SPTBN5: variants seen among roughly 807,000 people sequenced by gnomAD.
The protein encoded by SPTBN5 is spectrin beta, non-erythrocytic 5, also known as spectrin beta chain, non-erythrocytic 5.
In SPTBN5, 513 loss-of-function variants were observed where a neutral mutation model predicts 477.6. The ratio of observed to expected loss-of-function variants is 1.07; its 90% CI spans 1.00 to 1.16. The LOEUF is 1.16. Ranked by LOEUF, SPTBN5 falls within the 50% of genes most tolerant of loss-of-function variation. The pLI is 0.00. For missense variants in SPTBN5, 5,062 were observed against 4,731.8 expected (o/e 1.07, Z -2.05); for synonymous variants, 2,169 against 2,011.7 (o/e 1.08, Z -2.09).
intron 29 of SPTBN5, 73 bp downstream of exon 29, chr15:41,871,302 T>C: frequency 7.5e-7 from 1 of 1,340,058 alleles, no homozygotes; most frequent in African/African-American, 1.5e-5. Context: ...CCATCCTCTC[T>C]TACCACTCTG....
chr15:41,866,329 G>A lies in SPTBN5; in HGVS notation c.6630+15C>T. 1 of 1,579,982 alleles carries A rather than the reference G, an allele frequency of 6.3e-7. No individual in the cohort carries two copies. The highest frequency in any genetic ancestry group is 8.6e-7 in the Non-Finnish European group (1 of 1,161,770). ...CACTTTGGGGCAGGCATGGGGCTGA[G>A]GGCCCGGTTGTTACCTTGGCAACAG... On this transcript the variant is annotated intron_variant, in intron 37 of 67. Coordinates refer to ENST00000320955, the MANE Select transcript of SPTBN5 (RefSeq NM_016642.4).
rs775028604 is a variant in SPTBN5 at position 41,886,112 on chromosome 15, G to A, written c.1143C>T (p.Asn381=). Residue 381 remains asparagine, a synonymous_variant, in exon 7 of 68, where the codon AAC becomes AAT. Coordinates refer to ENST00000320955, the MANE Select transcript of SPTBN5 (RefSeq NM_016642.4). ...CCTCATGAGGCAGGAAGGGCCTGCG[G>A]TTCTGGGCTTGGAGTGCTGTCTGTA... ...FRLQTALQAQ[N]RRPFLPHEGL... is the part of the protein sequence containing the mutation. 6.2e-7 allele frequency: 1 copy of A among 1,610,282 alleles called. No individual in the cohort carries two copies. The highest frequency in any genetic ancestry group is 8.5e-7 in the Non-Finnish European group (1 of 1,178,114).
rs2066412940 is a variant in SPTBN5, at chr15:41,868,413, C to T, written c.6042G>A (p.Gly2014=). The T allele has an allele frequency of 1.2e-6, 2 of 1,603,686 alleles. No homozygotes were observed. Among genetic ancestry groups the T allele is most frequent in the Non-Finnish European group, 1.7e-6 (2 of 1,174,142 alleles). ...GGGGGCCCACCTCCTTGGTGGGTGTCCCTGCAGCAAGAAGTGCCTGCTGCC... is the reference window on the plus strand; with the variant it reads ...GGGGGCCCACCTCCTTGGTGGGTGTTCCTGCAGCAAGAAGTGCCTGCTGCC... ...QLGQQALLAA[G]TPTKEVQEEL... The change falls in exon 33 of 68, where the codon GGG becomes GGA. Residue 2014 remains glycine, a synonymous_variant. Transcript: ENST00000320955.
At chr15:41,848,702 G>GCCCCTGCCCT (rs2065639721) in intron 67 of SPTBN5, 74 bp from the exon 68 acceptor site, 2 of 1,553,778 alleles carry the variant, frequency 1.3e-6, no homozygotes, top group African/African-American at 2.7e-5. Context: ...ACACACTGGT[G>GCCCCTGCCCT]CCCCTGCCCT....
chr15:41,872,005 CTG>C, intron 27 of SPTBN5, 88 bp from the exon 28 acceptor site: 1 of 1,420,474 alleles, frequency 7.0e-7, no homozygotes, highest in Non-Finnish European at 9.3e-7. Flanking sequence ...AATCTGAAAA[CTG>C]GGGTTACTCA....
chr15:41,890,278 G>A, intron 3 of SPTBN5, 73 bp from the exon 4 acceptor site: 1 of 1,055,610 alleles, frequency 9.5e-7, no homozygotes, highest in Non-Finnish European at 1.4e-6. Context: ...AAAGCTTAGG[G>A]GGCCAGCTGC....
At chr15:41,888,662 T>A (rs990853179) in intron 4 of SPTBN5, among the ~76,000 whole-genome samples, 1 of 152,254 alleles carries the variant, frequency 6.6e-6, no homozygotes, top group African/African-American at 2.4e-5. Context: ...GGTTTCACTA[T>A]GTTGGCTAGG....
chr15:41,856,420 T>A lies in SPTBN5; in HGVS notation c.8987A>T (p.Gln2996Leu). The A allele has an allele frequency of 6.3e-7, 1 of 1,590,974 alleles. No homozygotes were observed. Among genetic ancestry groups the A allele is most frequent in the South Asian group, 1.1e-5 (1 of 88,802 alleles). ...AAACTGCTGGGCCTCCTGAGCCTGCTGCAGCAGAAGCCGCCTCCGCGCCGC... is the reference window on the plus strand; with the variant it reads ...AAACTGCTGGGCCTCCTGAGCCTGCAGCAGCAGAAGCCGCCTCCGCGCCGC... Reference protein sequence around the residue: ...AEAARRRLLLQQAQEAQQFLT... With the variant: ...AEAARRRLLLLQAQEAQQFLT... Residue 2996 changes from glutamine to leucine, a missense_variant, in exon 53 of 68, where the codon CAG becomes CTG. Transcript: ENST00000320955.
chr15:41,865,904 C>T lies in SPTBN5; in HGVS notation c.6823-1G>A, dbSNP rs868047548. The T allele has an allele frequency of 6.4e-7, 1 of 1,571,260 alleles. No homozygotes were observed. The highest frequency in any genetic ancestry group is 1.4e-5 in the African/African-American group (1 of 73,954). On this transcript the variant is annotated splice_acceptor_variant, in intron 38 of 67. Coordinates refer to ENST00000320955, the MANE Select transcript of SPTBN5 (RefSeq NM_016642.4). LOFTEE classifies it high-confidence loss of function. ...GGTCACCAACATTCATCTTCACCTCCTGTGAAGGCCGAGGGTGGGGAGGGA... is the reference window on the plus strand; with the variant it reads ...GGTCACCAACATTCATCTTCACCTCTTGTGAAGGCCGAGGGTGGGGAGGGA...
In SPTBN5 at chr15:41,876,123, G is replaced by T; in HGVS notation, c.4113C>A (p.Ala1371=). 6.3e-7 allele frequency: 1 copy of T among 1,599,804 alleles called. No individual in the cohort carries two copies. ...ELLATRRHVE[A]LQQVGRELLS... ...GTCCCGTGTCCCCCACCTGCTGCAG[G>T]GCCTCCACGTGTCTGCGGGTGGCGA... Residue 1371 remains alanine, a synonymous_variant, in exon 21 of 68, where the codon GCC becomes GCA. Coordinates refer to ENST00000320955, the MANE Select transcript of SPTBN5 (RefSeq NM_016642.4).
chr15:41,890,245 G>A (rs769105915), intron 3 of SPTBN5, 40 bp from the exon 4 acceptor site: 12 of 1,396,792 alleles, frequency 8.6e-6, no homozygotes, highest in Middle Eastern at 1.8e-4. Context: ...TGAAGCCCAT[G>A]TCCAGAGAGG....
chr15:41,852,551 A>G (rs1190798484), intron 61 of SPTBN5, 83 bp downstream of exon 61: 2 of 1,465,052 alleles, frequency 1.4e-6, no homozygotes, highest in Non-Finnish European at 1.9e-6. Flanking sequence ...GTGAGGGCTC[A>G]GTGCCCTGGG....
Position 41,862,308 on chromosome 15 carries a change from A to G in SPTBN5, c.7386-16T>C. On this transcript the variant is annotated splice_polypyrimidine_tract_variant and intron_variant, in intron 43 of 67. Coordinates refer to ENST00000320955, the MANE Select transcript of SPTBN5 (RefSeq NM_016642.4). ...CGCCTCCCTCCTGCCCACAGCGCTC[A>G]TCAGCTAGTCGTCAGGCCTTCAAAC... 6.3e-7 allele frequency: 1 copy of G among 1,579,228 alleles called. No individual in the cohort carries two copies. The highest frequency in any genetic ancestry group is 8.6e-7 in the Non-Finnish European group (1 of 1,160,628).
At chr15:41,874,820 T>A (rs753280502) in intron 23 of SPTBN5, 22 bp downstream of exon 23, 1 of 1,588,152 alleles carries the variant, frequency 6.3e-7, no homozygotes. Flanking sequence ...GACACACAGG[T>A]GGGTGGGAGG....
chr15:41,862,347 G>A, intron 43 of SPTBN5, 55 bp from the exon 44 acceptor site: 1 of 1,545,048 alleles, frequency 6.5e-7, no homozygotes, highest in Non-Finnish European at 8.7e-7. Flanking sequence ...TCTCCCCCAT[G>A]CCCACTGGTG....
intron 49 of SPTBN5, 58 bp downstream of exon 49, chr15:41,858,544 C>A (rs2065994948): frequency 1.3e-6 from 2 of 1,564,902 alleles, no homozygotes; most frequent in Admixed American, 3.5e-5. Flanking sequence ...CTCTGGGGCA[C>A]TGTCCTGTGT....
rs767865951 is a variant in SPTBN5, at chr15:41,851,349, G to A, written c.10677C>T (p.Asp3559=). The change falls in exon 64 of 68, where the codon GAC becomes GAT. Residue 3559 remains aspartate (D), a synonymous_variant. Coordinates refer to ENST00000320955, the MANE Select transcript of SPTBN5 (RefSeq NM_016642.4). ...GGRQPSSSSW[D]SCRGNLQGSS... ...TGCCCTGCAAGTTCCCGCGGCAGCT[G>A]TCCCAGGAGCTCGAGCTAGGCTGTG... 4.5e-6 allele frequency: 7 copies of A among 1,550,936 alleles called. No individual in the cohort carries two copies. The Admixed American group carries it at 5.9e-5, about 13-fold the overall frequency.
intron 22 of SPTBN5, 144 bp from the exon 23 acceptor site, chr15:41,875,200 G>A (rs1026574944): frequency 5.5e-6 from 5 of 902,976 alleles, no homozygotes; most frequent in Non-Finnish European, 8.2e-6. Flanking sequence ...GGCCAGAAGT[G>A]CCCAATCTTC....
chr15:41,870,078 G>A lies in SPTBN5; in HGVS notation c.5674-58C>T, dbSNP rs1404700817. On this transcript the variant is annotated intron_variant, in intron 31 of 67. Coordinates refer to ENST00000320955, the MANE Select transcript of SPTBN5 (RefSeq NM_016642.4). The stretch of plus-strand genomic sequence containing the variant: ...GTCATGTCCTCCTGATTATCCCACA[G>A]ATGTATCCCTTGCCTGGGAACTCTG... The A allele has an allele frequency of 4.8e-6, 7 of 1,454,710 alleles. No individual in the cohort carries two copies. In the East Asian group the frequency reaches 1.7e-4, roughly 36 times the overall value. The allele number at this position is 1,454,710 out of a possible 1,614,324, so 90.1% of individuals were successfully genotyped here. A position where few individuals can be genotyped will look rare whatever the true frequency, so the allele number is the denominator to read the frequency against.
Sources: gnomAD v4.1 joint callset for allele counts (sites outside exome capture counted in the v4.1 genomes callset) on GRCh38, gnomAD v4.1.1 for gene constraint, MANE v1.5 for transcripts, NCBI Gene and HGNC (gene_info 2026-07-23, HGNC 2026-07-21) for gene names.